The following PFKFB1 variants were observed in gnomAD, a reference collection of about 807,000 sequenced individuals.
The protein encoded by PFKFB1 is 6-phosphofructo-2-kinase/fructose-2,6-biphosphatase 1.
PFKFB1 carries 34 observed loss-of-function variants against 46.4 expected under a neutral mutation model. The ratio of observed to expected loss-of-function variants is 0.73; its 90% CI spans 0.56 to 0.98. The LOEUF (loss-of-function observed/expected upper bound fraction) is 0.98, where lower values mean the gene tolerates loss of function less well. Among genes scored for constraint, PFKFB1 ranks in the 50% least tolerant of loss-of-function variants. The pLI is 0.00. For missense variants in PFKFB1, 393 were observed against 376.3 expected, an observed-to-expected ratio of 1.04 and a Z score of -0.37; for synonymous variants, 119 against 133.8, an observed-to-expected ratio of 0.89 and a Z score of 0.76.
intron 1 of PFKFB1, among the ~76,000 whole-genome samples, chrX:54,989,332 T>C (rs1297284702): frequency 9.0e-6 from 1 of 111,718 alleles, no homozygotes; most frequent in Non-Finnish European, 1.9e-5. Context: ...GAAAAAAGAT[T>C]GATTATAGGG....
intron 10 of PFKFB1, among the ~76,000 whole-genome samples, chrX:54,941,210 C>A (rs757170310): frequency 8.9e-6 from 1 of 111,902 alleles, no homozygotes; most frequent in African/African-American, 3.3e-5. Flanking sequence ...TGAAACTGGA[C>A]CCCTTCCTTA....
chrX:54,970,547 T>C (rs1227017502), intron 1 of PFKFB1, among the ~76,000 whole-genome samples: 3 of 70,106 alleles, frequency 4.3e-5, no homozygotes, highest in Admixed American at 1.9e-4. Flanking sequence ...CCATGTGTTC[T>C]CATTGTTCAA....
chrX:54,989,772 C>T (rs747209180), intron 1 of PFKFB1, among the ~76,000 whole-genome samples: 149 of 111,918 alleles, frequency 1.3e-3, no homozygotes, highest in African/African-American at 4.6e-3. Context: ...ACTGATCTAT[C>T]AAAACAGAAG....
At chrX:54,995,469 A>C (rs1935343745), upstream of PFKFB1, among the ~76,000 whole-genome samples, 1 of 112,502 alleles carries the variant, frequency 8.9e-6, no homozygotes, top group Non-Finnish European at 1.9e-5. Flanking sequence ...CCAAATTTTT[A>C]ATACATTCCA....
intron 1 of PFKFB1, among the ~76,000 whole-genome samples, chrX:54,971,141 A>G (rs1934639788): frequency 3.0e-5 from 1 of 32,978 alleles, no homozygotes; most frequent in Admixed American, 4.2e-4. Context: ...TCTTCTTTTG[A>G]GAAGTGTCTG....
upstream of PFKFB1, chrX:54,998,414 C>A (rs1057390634): frequency 1.7e-6 from 2 of 1,151,772 alleles, no homozygotes; most frequent in African/African-American, 1.8e-5. Context: ...ACCTTTTATT[C>A]TAGAGGTTTT....
In PFKFB1 at chrX:54,949,235, A is replaced by ATGCAGAG. The variant is rs747515286; in HGVS notation, c.847-21_847-15dup. The ATGCAGAG allele has an allele frequency of 9.3e-6, 11 of 1,178,565 alleles. No individual in the cohort carries two copies. The highest frequency in any genetic ancestry group is 1.3e-5 in the Non-Finnish European group (11 of 875,172). On this transcript the variant is annotated splice_polypyrimidine_tract_variant and intron_variant, in intron 8 of 13. Transcript: ENST00000375006. The stretch of plus-strand genomic sequence containing the variant: ...GGCATAGGCATACTAGGATGTGGGG[A>ATGCAGAG]TGCAGAGGAGGAGAGAAGGGGAAAA...
rs774997599 is a variant in PFKFB1, at chrX:54,933,876, A to G, written c.1301T>C (p.Val434Ala). 1 of 1,206,429 alleles carries G rather than the reference A, an allele frequency of 8.3e-7. No homozygotes were observed. The highest frequency in any genetic ancestry group is 1.8e-5 in the South Asian group (1 of 56,646). ...KLTPVAYGCK[V>A]ESIYLNVEAV... is the part of the protein sequence containing the mutation. The stretch of plus-strand genomic sequence containing the variant: ...CTCCACATTCAGGTAGATGGATTCC[A>G]CTTTGCAGCCTTAGAAAAGAACAAT... The change falls in exon 13 of 14, where the codon GTG becomes GCG. Residue 434 changes from valine (V) to alanine (A), a missense_variant. Coordinates refer to ENST00000375006, the MANE Select transcript of PFKFB1 (RefSeq NM_002625.4).
intron 9 of PFKFB1, among the ~76,000 whole-genome samples, chrX:54,947,636 C>T (rs1468653968): frequency 1.8e-5 from 2 of 112,011 alleles, no homozygotes; most frequent in African/African-American, 3.2e-5. Context: ...TCTATAGAGG[C>T]ATATCTAGCA....
Position 54,952,081 on chromosome X carries a change from C to T in PFKFB1, c.670G>A (p.Gly224Ser). The change falls in exon 8 of 14, where the codon GGC becomes AGC. Residue 224 changes from glycine (G) to serine (S), a missense_variant. Gly to Ser is a moderately conservative substitution (Grantham distance 56). Transcript: ENST00000375006. The stretch of plus-strand genomic sequence containing the variant: ...ACTCGGTTCACCATGTAGCGTGTGC[C>T]CACGTCGAAGATCTTGATGTAGGAC... ...HLSYIKIFDV[G>S]TRYMVNRVQD... 1 of 1,211,119 alleles carries T rather than the reference C, an allele frequency of 8.3e-7. No homozygotes were observed. The highest frequency in any genetic ancestry group is 1.8e-5 in the South Asian group (1 of 56,840).
chrX:54,954,517 A>C (rs778072089), intron 7 of PFKFB1, among the ~76,000 whole-genome samples: 5 of 112,323 alleles, frequency 4.5e-5, no homozygotes, highest in Admixed American at 1.9e-4. Context: ...TGTCTCAAAA[A>C]TTAAAAATAA....
At chrX:54,998,442 A>G (rs1301104463), upstream of PFKFB1, 1 of 1,150,230 alleles carries the variant, frequency 8.7e-7, no homozygotes, top group Non-Finnish European at 1.2e-6. Context: ...ATCGCTAATT[A>G]TCCAACACTC....
intron 1 of PFKFB1, among the ~76,000 whole-genome samples, chrX:54,974,083 C>T (rs1934767354): frequency 9.0e-6 from 1 of 111,239 alleles, no homozygotes; most frequent in African/African-American, 3.3e-5. Context: ...CAATAAAAAC[C>T]CTATCAGGAT....
At chrX:54,938,389 T>C (rs1933484490) in intron 10 of PFKFB1, among the ~76,000 whole-genome samples, 1 of 111,998 alleles carries the variant, frequency 8.9e-6, no homozygotes, top group Non-Finnish European at 1.9e-5. Context: ...AATTCACACA[T>C]AACAATATTA....
In PFKFB1 at chrX:54,960,730, C is replaced by A. The variant is rs182595800; in HGVS notation, c.317+94G>T. ...TTTGAGAGTCTAGAGGGCCTCCTTT[C>A]TGGTCCAGATTATTCTGCCCTACTC... On this transcript the variant is annotated intron_variant, in intron 3 of 13. Coordinates refer to ENST00000375006, the MANE Select transcript of PFKFB1 (RefSeq NM_002625.4). 3 of 498,317 alleles carry A rather than the reference C, an allele frequency of 6.0e-6. No individual in the cohort carries two copies. The East Asian group carries it at 1.3e-4, about 22-fold the overall frequency. The allele number at this position is 498,317 out of a possible 1,213,427, so 41.1% of individuals were successfully genotyped here. A position where few individuals can be genotyped will look rare whatever the true frequency, so the allele number is the denominator to read the frequency against.
At chrX:54,994,226 G>A, upstream of PFKFB1, 1 of 1,027,774 alleles carries the variant, frequency 9.7e-7, no homozygotes, top group Non-Finnish European at 1.2e-6. Context: ...GTACTAGTGG[G>A]GTATTGGGTG....
chrX:54,962,567 G>A (rs1934347451), intron 2 of PFKFB1, among the ~76,000 whole-genome samples: 1 of 111,704 alleles, frequency 9.0e-6, no homozygotes, highest in Non-Finnish European at 1.9e-5. Flanking sequence ...GAACATAGAT[G>A]AACAGAAAGA....
intron 1 of PFKFB1, among the ~76,000 whole-genome samples, chrX:54,990,868 A>G (rs925635683): frequency 2.7e-5 from 3 of 112,389 alleles, no homozygotes; most frequent in Non-Finnish European, 5.6e-5. Context: ...AATACAGAAA[A>G]CATGTTTAAT....
chrX:54,985,675 A>C (rs1313163053), intron 1 of PFKFB1, among the ~76,000 whole-genome samples: 1 of 110,765 alleles, frequency 9.0e-6, no homozygotes, highest in Non-Finnish European at 1.9e-5. Context: ...TAAAACATAA[A>C]ATTATATAAA....
Sources: gnomAD v4.1 joint callset for allele counts (sites outside exome capture counted in the v4.1 genomes callset) on GRCh38, gnomAD v4.1.1 for gene constraint, MANE v1.5 for transcripts, NCBI Gene and HGNC (gene_info 2026-07-23, HGNC 2026-07-21) for gene names.